IQCK: variants seen among roughly 807,000 people sequenced by gnomAD.
IQCK encodes IQ motif containing K.
IQCK carries 29 observed loss-of-function variants against 28.1 expected under a neutral mutation model. The observed-to-expected ratio is 1.03, with a 90% CI of 0.77 to 1.41. The LOEUF is 1.41. Ranked by LOEUF, IQCK falls within the 40% of genes most tolerant of loss-of-function variation. The pLI, the probability that IQCK is intolerant of heterozygous loss-of-function variation, is 0.00. For synonymous variants in IQCK, 113 were observed against 115.1 expected, an observed-to-expected ratio of 0.98 and a Z score of 0.12; for missense variants, 359 against 314.7, an observed-to-expected ratio of 1.14 and a Z score of -1.07.
At chr16:19,830,852 C>T (rs2056223239), downstream of IQCK, among the ~76,000 whole-genome samples, 1 of 152,160 alleles carries the variant, frequency 6.6e-6, no homozygotes, top group African/African-American at 2.4e-5. Context: ...AGATGATGAT[C>T]TTTAGAACAA....
chr16:19,775,638 A>C (rs1313501544), intron 6 of IQCK, among the ~76,000 whole-genome samples: 1 of 152,196 alleles, frequency 6.6e-6, no homozygotes, highest in African/African-American at 2.4e-5. Context: ...TTGCTCACAA[A>C]AAGACTGTTG....
chr16:19,720,271 G>A (rs1597489734), intron 1 of IQCK, among the ~76,000 whole-genome samples: 2 of 152,004 alleles, frequency 1.3e-5, no homozygotes, highest in Admixed American at 6.6e-5. Flanking sequence ...TCACCCCTAC[G>A]TCCTTACCTC....
chr16:19,811,120 C>CA (rs1159901191), intron 7 of IQCK, among the ~76,000 whole-genome samples: 1 of 151,996 alleles, frequency 6.6e-6, no homozygotes, highest in Non-Finnish European at 1.5e-5. Flanking sequence ...CTGGTCTCTA[C>CA]AAAAAATATA....
intron 1 of IQCK, among the ~76,000 whole-genome samples, chr16:19,722,265 G>A (rs1182758342): frequency 6.6e-6 from 1 of 152,100 alleles, no homozygotes; most frequent in Non-Finnish European, 1.5e-5. Flanking sequence ...GAGGGAGTCT[G>A]CTAACATCCA....
intron 7 of IQCK, among the ~76,000 whole-genome samples, chr16:19,814,246 A>C (rs1337353162): frequency 8.3e-4 from 122 of 146,344 alleles, no homozygotes; most frequent in Middle Eastern, 7.0e-3. Flanking sequence ...AAAAAAAAAA[A>C]CCACAAAAAT....
chr16:19,803,141 T>G (rs1469595107), intron 7 of IQCK, among the ~76,000 whole-genome samples: 1 of 152,098 alleles, frequency 6.6e-6, no homozygotes, highest in Non-Finnish European at 1.5e-5. Context: ...TTGTTTTGTT[T>G]GTTTGTTTTT....
chr16:19,719,377 C>T (rs972732336), intron 1 of IQCK, among the ~76,000 whole-genome samples: 3 of 151,982 alleles, frequency 2.0e-5, no homozygotes, highest in African/African-American at 7.2e-5. Flanking sequence ...TGGCCACCAT[C>T]ACTACCTAAG....
intron 6 of IQCK, among the ~76,000 whole-genome samples, chr16:19,767,426 G>A (rs1037613306): frequency 2.6e-5 from 4 of 152,128 alleles, no homozygotes; most frequent in African/African-American, 7.2e-5. Flanking sequence ...GGGCACCATG[G>A]TTTTTCCCAT....
chr16:19,741,049 A>G (rs1419685182), intron 4 of IQCK, among the ~76,000 whole-genome samples: 2 of 152,010 alleles, frequency 1.3e-5, no homozygotes, highest in South Asian at 2.1e-4. Flanking sequence ...ACAAACATTC[A>G]TTAAGCCCTG....
chr16:19,749,034 A>G (rs2054951071), intron 4 of IQCK, among the ~76,000 whole-genome samples: 1 of 152,204 alleles, frequency 6.6e-6, no homozygotes, highest in South Asian at 2.1e-4. Context: ...AAAGTAAATC[A>G]TTGACTCTCT....
At chr16:19,775,866 C>CTTTTTTTTTTTTTTTT (rs570530152) in intron 6 of IQCK, among the ~76,000 whole-genome samples, 1 of 37,700 alleles carries the variant, frequency 2.7e-5, no homozygotes. Flanking sequence ...TGGGCACAGG[C>CTTTTTTTTTTTTTTTT]TTTTTTTTTT....
exon 10 of IQCK, chr16:19,857,305 G>A (rs2141132967): frequency 2.7e-6 from 1 of 365,718 alleles, no homozygotes; most frequent in Non-Finnish European, 5.1e-6. Context: ...TAAGTAAATA[G>A]TAAAGCCTTT....
At chr16:19,781,372 A>G (rs2055481681) in intron 6 of IQCK, among the ~76,000 whole-genome samples, 1 of 152,158 alleles carries the variant, frequency 6.6e-6, no homozygotes, top group Admixed American at 6.5e-5. Context: ...AGTTGGTTAA[A>G]TGGGACTCAG....
chr16:19,778,947 G>A (rs1396077111), intron 6 of IQCK, among the ~76,000 whole-genome samples: 1 of 152,152 alleles, frequency 6.6e-6, no homozygotes, highest in Admixed American at 6.5e-5. Context: ...TAGGGCTACT[G>A]CGAGAAATTA....
At chr16:19,812,506 A>G (rs938640513) in intron 7 of IQCK, among the ~76,000 whole-genome samples, 2 of 152,176 alleles carry the variant, frequency 1.3e-5, no homozygotes, top group Admixed American at 1.3e-4. Context: ...CTTTTGTACT[A>G]TAATGTCAGA....
intron 7 of IQCK, among the ~76,000 whole-genome samples, chr16:19,806,531 C>CA (rs111453482): frequency 0.33 from 48,771 of 146,982 alleles, 11,832 homozygotes; most frequent in African/African-American, 0.7. Context: ...ACAAAAAATA[C>CA]AAAAAAAAAA....
intron 7 of IQCK, among the ~76,000 whole-genome samples, chr16:19,804,089 G>T (rs9926151): frequency 6.6e-6 from 1 of 151,944 alleles, no homozygotes; most frequent in East Asian, 1.9e-4. Context: ...GGCGGCTCAC[G>T]CCTGTAATCC....
chr16:19,786,126 A>C (rs1019463330), intron 6 of IQCK, among the ~76,000 whole-genome samples: 1 of 152,196 alleles, frequency 6.6e-6, no homozygotes, highest in African/African-American at 2.4e-5. Flanking sequence ...CCTTAAAAAC[A>C]CCAAGGTCTC....
chr16:19,760,366 A>C (rs1275424726), intron 4 of IQCK, among the ~76,000 whole-genome samples: 1 of 152,180 alleles, frequency 6.6e-6, no homozygotes, highest in Admixed American at 6.5e-5. Flanking sequence ...AGCTGGACCC[A>C]GGATCTAGTA....
Sources: gnomAD v4.1 joint callset for allele counts (sites outside exome capture counted in the v4.1 genomes callset) on GRCh38, gnomAD v4.1.1 for gene constraint, MANE v1.5 for transcripts, NCBI Gene and HGNC (gene_info 2026-07-23, HGNC 2026-07-21) for gene names.